Variants in EXOC4 observed in about 807,000 individuals in gnomAD.
The protein encoded by EXOC4 is SEC8-like 1.
Under a neutral mutation model 107.2 loss-of-function variants are expected in EXOC4, and 71 were observed. The ratio of observed to expected loss-of-function variants is 0.66; its 90% confidence interval spans 0.55 to 0.81. EXOC4 has a LOEUF of 0.81. EXOC4 is among the 30% of genes least tolerant of loss of function. The pLI is 0.00. For missense variants in EXOC4, 1,108 were observed against 1,189.6 expected (o/e 0.93, Z 1.01); for synonymous variants, 456 against 441.2 (o/e 1.03, Z -0.42).
chr7:133,525,212 A>G (rs536042099), intron 9 of EXOC4, among the ~76,000 whole-genome samples: 2 of 152,276 alleles, frequency 1.3e-5, no homozygotes, highest in African/African-American at 4.8e-5. Context: ...TGTTTGCTGA[A>G]TTATTAATAT....
At chr7:133,552,543 C>T (rs1800610889) in intron 9 of EXOC4, among the ~76,000 whole-genome samples, 1 of 152,128 alleles carries the variant, frequency 6.6e-6, no homozygotes, top group Non-Finnish European at 1.5e-5. Flanking sequence ...TTAGGCATTA[C>T]CTCCTTTCAA....
At chr7:133,762,950 A>T (rs1010725393) in intron 10 of EXOC4, among the ~76,000 whole-genome samples, 1 of 152,266 alleles carries the variant, frequency 6.6e-6, no homozygotes, top group East Asian at 1.9e-4. Flanking sequence ...TATCATGTAT[A>T]TATTAATAAT....
intron 9 of EXOC4, among the ~76,000 whole-genome samples, chr7:133,537,302 C>CG (rs200606173): frequency 4.0e-5 from 6 of 148,888 alleles, no homozygotes; most frequent in Non-Finnish European, 5.9e-5. Context: ...AGGCACCCCC[C>CG]CCCCCACCAC....
intron 11 of EXOC4, among the ~76,000 whole-genome samples, chr7:133,868,434 G>T (rs1378581847): frequency 6.6e-6 from 1 of 152,194 alleles, no homozygotes; most frequent in South Asian, 2.1e-4. Flanking sequence ...GATCGTTCAT[G>T]CAATCTGCCA....
chr7:133,887,910 A>G (rs940787193), intron 11 of EXOC4, among the ~76,000 whole-genome samples: 15 of 152,174 alleles, frequency 9.9e-5, no homozygotes, highest in African/African-American at 3.6e-4. Context: ...TGTCACTCAC[A>G]CACAAATACA....
chr7:133,512,360 C>G (rs1799785776), intron 9 of EXOC4, among the ~76,000 whole-genome samples: 1 of 151,808 alleles, frequency 6.6e-6, no homozygotes, highest in African/African-American at 2.4e-5. Context: ...ACCCAGGAGG[C>G]AGAGGTTGCA....
intron 11 of EXOC4, among the ~76,000 whole-genome samples, chr7:133,832,583 C>T (rs756788728): frequency 2.6e-5 from 4 of 152,208 alleles, no homozygotes; most frequent in Non-Finnish European, 5.9e-5. Context: ...TGGCTTCTTA[C>T]ACTCAGCAAT....
At chr7:134,092,784 G>T in the EXOC4 span, among the ~76,000 whole-genome samples, 1 of 151,970 alleles carries the variant, frequency 6.6e-6, no homozygotes, top group Non-Finnish European at 1.5e-5. Context: ...TTAGCCAGGT[G>T]TGGTGGTACA....
At chr7:133,567,068 T>C (rs1800920818) in intron 9 of EXOC4, among the ~76,000 whole-genome samples, 2 of 152,150 alleles carry the variant, frequency 1.3e-5, no homozygotes, top group Non-Finnish European at 2.9e-5. Flanking sequence ...TTTATTATTC[T>C]TAAAAGTAAA....
chr7:133,594,551 A>G (rs1801622248), intron 9 of EXOC4, among the ~76,000 whole-genome samples: 1 of 123,462 alleles, frequency 8.1e-6, no homozygotes, highest in South Asian at 2.8e-4. Flanking sequence ...CTGGAGTGCG[A>G]TGGCGTGATC....
intron 17 of EXOC4, among the ~76,000 whole-genome samples, chr7:134,059,809 G>A (rs982365071): frequency 3.3e-5 from 5 of 152,112 alleles, no homozygotes; most frequent in African/African-American, 1.2e-4. Context: ...TTATCTTTAT[G>A]ATGAAATTAT....
chr7:133,449,509 T>G (rs1302196531), intron 7 of EXOC4, among the ~76,000 whole-genome samples: 1 of 152,204 alleles, frequency 6.6e-6, no homozygotes, highest in Admixed American at 6.5e-5. Context: ...TAATACACTG[T>G]TTTTTCTTTA....
At chr7:133,504,085 T>C (rs964104538) in intron 9 of EXOC4, among the ~76,000 whole-genome samples, 3 of 152,108 alleles carry the variant, frequency 2.0e-5, no homozygotes, top group Admixed American at 1.3e-4. Context: ...AGAGCCTTAT[T>C]ATCAACAGAG....
At chr7:133,720,156 G>A (rs1795078503) in intron 10 of EXOC4, among the ~76,000 whole-genome samples, 1 of 152,120 alleles carries the variant, frequency 6.6e-6, no homozygotes, top group Non-Finnish European at 1.5e-5. Flanking sequence ...CTGAAATAAT[G>A]CTAAGCGTGG....
At chr7:133,725,006 A>G (rs754353475) in intron 10 of EXOC4, among the ~76,000 whole-genome samples, 1 of 152,248 alleles carries the variant, frequency 6.6e-6, no homozygotes, top group South Asian at 2.1e-4. Context: ...AGCGAAGTAC[A>G]GGAAAATGAT....
intron 9 of EXOC4, among the ~76,000 whole-genome samples, chr7:133,535,388 G>T (rs1210566887): frequency 2.0e-5 from 3 of 152,154 alleles, no homozygotes; most frequent in Non-Finnish European, 4.4e-5. Context: ...CATGATGCTA[G>T]ATAATTATGA....
chr7:133,281,697 C>T (rs998959976), intron 2 of EXOC4, among the ~76,000 whole-genome samples: 2 of 148,302 alleles, frequency 1.3e-5, no homozygotes, highest in Admixed American at 1.3e-4. Context: ...CAGTACTTTT[C>T]TTTTCTATTT....
At chr7:133,423,972 G>A (rs766738332) in intron 7 of EXOC4, among the ~76,000 whole-genome samples, 13 of 152,198 alleles carry the variant, frequency 8.5e-5, no homozygotes, top group Non-Finnish European at 1.2e-4. Flanking sequence ...TTCTGGGACA[G>A]GTGGGGACTT....
intron 1 of EXOC4, among the ~76,000 whole-genome samples, chr7:133,272,771 C>T (rs1347667930): frequency 6.6e-6 from 1 of 152,054 alleles, no homozygotes; most frequent in African/African-American, 2.4e-5. Context: ...AGGCAGAACC[C>T]CCAGTAGGCC....
Sources: gnomAD v4.1 joint callset for allele counts (sites outside exome capture counted in the v4.1 genomes callset) on GRCh38, gnomAD v4.1.1 for gene constraint, MANE v1.5 for transcripts, NCBI Gene and HGNC (gene_info 2026-07-23, HGNC 2026-07-21) for gene names.